The following RUNX1 variants were observed in gnomAD, a reference collection of about 807,000 sequenced individuals.
RUNX1 encodes runt-related transcription factor 1.
Under a neutral mutation model 42.8 loss-of-function variants are expected in RUNX1, and 19 were observed. The ratio of observed to expected loss-of-function variants is 0.44; its 90% CI spans 0.31 to 0.65. The LOEUF is 0.65. Ranked by LOEUF, RUNX1 falls within the 30% of genes least tolerant of loss-of-function variation. The probability of loss-of-function intolerance (pLI) is 0.07; values close to 1 mark genes in which losing one functional copy is unlikely to be tolerated. For synonymous variants in RUNX1, 271 were observed against 289.4 expected (o/e 0.94, Z 0.64); for missense variants, 528 against 672.0 (o/e 0.79, Z 2.37).
intron 5 of RUNX1, among the ~76,000 whole-genome samples, chr21:34,877,505 A>G (rs1437007566): frequency 6.6e-6 from 1 of 152,160 alleles, no homozygotes; most frequent in Non-Finnish European, 1.5e-5. Flanking sequence ...CGGTCGATTT[A>G]CATGGAGATA....
At chr21:35,035,511 ATTTTT>A (rs1569159426) in intron 2 of RUNX1, among the ~76,000 whole-genome samples, 1 of 152,032 alleles carries the variant, frequency 6.6e-6, no homozygotes, top group Non-Finnish European at 1.5e-5. Flanking sequence ...GCTTCATTTT[ATTTTT>A]TATTTTTAGC....
chr21:35,016,962 G>A (rs2059163443), intron 2 of RUNX1, among the ~76,000 whole-genome samples: 1 of 151,710 alleles, frequency 6.6e-6, no homozygotes. Context: ...AGCTCATAAA[G>A]TGCAGAGTAA....
In RUNX1 at chr21:34,789,126, C is replaced by T. The variant is rs191597531; in HGVS notation, c.*3009G>A. The stretch of plus-strand genomic sequence containing the variant: ...AGATCCAATATGGTTGGCAATGTCT[C>T]TGTTCTGCTGGAAGAAACCCATAAA... On this transcript the variant is annotated 3_prime_UTR_variant, in exon 9 of 9. Coordinates refer to ENST00000675419, the MANE Select transcript of RUNX1 (RefSeq NM_001754.5). The T allele has an allele frequency of 1.3e-5, 3 of 233,336 alleles. No individual in the cohort carries two copies. The highest frequency in any genetic ancestry group is 5.6e-5 in the Admixed American group (1 of 17,800). The allele number at this position is 233,336 out of a possible 1,614,324, so 14.5% of individuals were successfully genotyped here. A position where few individuals can be genotyped will look rare whatever the true frequency, so the allele number is the denominator to read the frequency against.
At chr21:34,934,244 A>G (rs531304007) in intron 2 of RUNX1, among the ~76,000 whole-genome samples, 5 of 152,088 alleles carry the variant, frequency 3.3e-5, no homozygotes, top group Admixed American at 2.0e-4. Flanking sequence ...AAAAGCATAT[A>G]AGCTTTTGAG....
At chr21:34,852,983 C>T (rs1173440661) in intron 6 of RUNX1, among the ~76,000 whole-genome samples, 1 of 152,228 alleles carries the variant, frequency 6.6e-6, no homozygotes, top group South Asian at 2.1e-4. Context: ...CTTTTCATCC[C>T]CCCGGCGGCT....
In RUNX1 at chr21:34,970,610, T is replaced by C. The variant is rs181786553; in HGVS notation, c.59-77647A>G. On this transcript the variant is annotated intron_variant, in intron 2 of 8. Transcript: ENST00000675419. The stretch of plus-strand genomic sequence containing the variant: ...TTTACATTTTACCTCACTGGGCTCC[T>C]ACGTTGGTCAGAGGTCGTGTTCCAC... Among the ~76,000 whole-genome samples the C allele has an allele frequency of 3.0e-3, 451 of 152,364 alleles. 3 individuals are homozygous for C. The highest frequency in any genetic ancestry group is 8.2e-3 in the Admixed American group (126 of 15,306).
chr21:34,933,734 C>T (rs1197629821), intron 2 of RUNX1, among the ~76,000 whole-genome samples: 5 of 152,172 alleles, frequency 3.3e-5, no homozygotes, highest in Admixed American at 3.3e-4. Flanking sequence ...CCCGTTCACG[C>T]ACCACTCCAG....
rs533763914 is a variant in RUNX1, at chr21:35,039,304, G to A, written c.58+9538C>T. Among the ~76,000 whole-genome samples the A allele has an allele frequency of 3.3e-4, 50 of 152,198 alleles. No homozygotes were observed. In the South Asian group the frequency reaches 9.7e-3, roughly 30 times the overall value. On this transcript the variant is annotated intron_variant, in intron 2 of 8. Coordinates refer to ENST00000675419, the MANE Select transcript of RUNX1 (RefSeq NM_001754.5). ...GCTGAGAAGACCTGGTTTCTCGTTC[G>A]GACTCTGGCACCAACCAGCTATGGA...
intron 2 of RUNX1, among the ~76,000 whole-genome samples, chr21:34,933,052 T>C (rs907990388): frequency 6.6e-6 from 1 of 152,226 alleles, no homozygotes; most frequent in African/African-American, 2.4e-5. Flanking sequence ...TAAGAGAGTT[T>C]GCACAAAAAT....
At chr21:34,863,553 T>TTG (rs965557093) in intron 5 of RUNX1, among the ~76,000 whole-genome samples, 2 of 144,328 alleles carry the variant, frequency 1.4e-5, no homozygotes, top group African/African-American at 5.2e-5. Flanking sequence ...TGCCCATCTT[T>TTG]TTTTTTTTTT....
chr21:34,985,362 G>A (rs2058877579), intron 2 of RUNX1, among the ~76,000 whole-genome samples: 1 of 152,232 alleles, frequency 6.6e-6, no homozygotes, highest in African/African-American at 2.4e-5. Flanking sequence ...GGTGCTTGCT[G>A]ACTGGCTTGG....
At chr21:35,036,143 GGAA>G (rs2059306184) in intron 2 of RUNX1, among the ~76,000 whole-genome samples, 1 of 152,054 alleles carries the variant, frequency 6.6e-6, no homozygotes, top group Admixed American at 6.6e-5. Flanking sequence ...TAAATAAGCC[GGAA>G]GAAGCACAGC....
intron 3 of RUNX1, chr21:34,888,375 C>T: frequency 1.9e-6 from 2 of 1,067,858 alleles, no homozygotes; most frequent in Non-Finnish European, 2.3e-6. Flanking sequence ...CACGGCTCGC[C>T]TCGGACCACA....
chr21:34,912,127 GTAGA>G (rs1601562237), intron 2 of RUNX1, among the ~76,000 whole-genome samples: 1 of 151,020 alleles, frequency 6.6e-6, no homozygotes, highest in East Asian at 1.9e-4. Context: ...TTGGAACTGA[GTAGA>G]TAGTCAACAG....
chr21:34,994,545 A>G (rs1275651706), intron 2 of RUNX1, among the ~76,000 whole-genome samples: 1 of 152,120 alleles, frequency 6.6e-6, no homozygotes, highest in Non-Finnish European at 1.5e-5. Flanking sequence ...TATAGGTACA[A>G]TGTGTGCATA....
At chr21:34,837,880 G>T (rs1381283542) in intron 6 of RUNX1, among the ~76,000 whole-genome samples, 1 of 152,024 alleles carries the variant, frequency 6.6e-6, no homozygotes, top group Non-Finnish European at 1.5e-5. Context: ...GTTGAAAAAG[G>T]TCCTAAATTC....
At chr21:34,921,659 G>A (rs1167668506) in intron 2 of RUNX1, among the ~76,000 whole-genome samples, 1 of 151,716 alleles carries the variant, frequency 6.6e-6, no homozygotes, top group Non-Finnish European at 1.5e-5. Flanking sequence ...TTGAGACAGT[G>A]TCTCTCTCTG....
chr21:35,012,430 T>C (rs1569150611), intron 2 of RUNX1, among the ~76,000 whole-genome samples: 1 of 152,374 alleles, frequency 6.6e-6, no homozygotes, highest in East Asian at 1.9e-4. Flanking sequence ...CTCACATCTA[T>C]AATTCTGAGC....
chr21:34,852,194 CAA>C (rs1035396133), intron 6 of RUNX1, among the ~76,000 whole-genome samples: 14 of 151,790 alleles, frequency 9.2e-5, no homozygotes, highest in Non-Finnish European at 1.5e-4. Context: ...CAAAACAAAA[CAA>C]AACAACAACC....
Sources: gnomAD v4.1 joint callset for allele counts (sites outside exome capture counted in the v4.1 genomes callset) on GRCh38, gnomAD v4.1.1 for gene constraint, MANE v1.5 for transcripts, NCBI Gene and HGNC (gene_info 2026-07-23, HGNC 2026-07-21) for gene names.